DLG2: variants seen among roughly 807,000 people sequenced by gnomAD.
The protein encoded by DLG2 is discs large MAGUK scaffold protein 2.
Under a neutral mutation model 132.5 loss-of-function variants are expected in DLG2, and 45 were observed. The observed-to-expected ratio is 0.34, with a 90% CI of 0.27 to 0.44. The LOEUF is 0.44. Ranked by LOEUF, DLG2 falls within the 20% of genes least tolerant of loss-of-function variation. The pLI is 1.00. For synonymous variants in DLG2, 424 were observed against 419.6 expected, an observed-to-expected ratio of 1.01 and a Z score of -0.13; for missense variants, 1,045 against 1,196.9, an observed-to-expected ratio of 0.87 and a Z score of 1.87.
At position 85,013,199 on chromosome 11, in the gene DLG2, G is replaced by C. The variant is rs560469256; in HGVS notation, c.357+98462C>G. Among the ~76,000 whole-genome samples, 17 of 152,230 alleles carry C rather than the reference G, an allele frequency of 1.1e-4. No individual in the cohort carries two copies. The South Asian group carries it at 3.5e-3, about 32-fold the overall frequency. On this transcript the variant is annotated intron_variant, in intron 6 of 27. Coordinates refer to ENST00000376104, the MANE Select transcript of DLG2 (RefSeq NM_001142699.3). Reference sequence around the variant, plus strand: ...CCTTGAACCTTTTATAGCACTTGTAGTATAGTAGCCTTTGTGACTGCTTGC... The same window carrying C: ...CCTTGAACCTTTTATAGCACTTGTACTATAGTAGCCTTTGTGACTGCTTGC...
chr11:85,128,692 G>A (rs747131042), intron 5 of DLG2, among the ~76,000 whole-genome samples: 3 of 152,040 alleles, frequency 2.0e-5, no homozygotes, highest in Non-Finnish European at 4.4e-5. Flanking sequence ...TTATATTTTA[G>A]TTGTGAAACT....
chr11:84,058,331 C>T (rs2096536545), intron 11 of DLG2, among the ~76,000 whole-genome samples: 1 of 151,726 alleles, frequency 6.6e-6, no homozygotes, highest in East Asian at 1.9e-4. Flanking sequence ...TGTCATCATT[C>T]TGAAGAACAG....
chr11:84,046,082 C>T (rs571606494), intron 11 of DLG2, among the ~76,000 whole-genome samples: 161 of 151,648 alleles, frequency 1.1e-3, no homozygotes, highest in Non-Finnish European at 1.7e-3. Context: ...GACTTGGTCA[C>T]GGTTTCCTAG....
chr11:85,074,320 C>T (rs2066248409), intron 6 of DLG2, among the ~76,000 whole-genome samples: 1 of 151,864 alleles, frequency 6.6e-6, no homozygotes, highest in Non-Finnish European at 1.5e-5. Context: ...ACACTTTCAC[C>T]ACTTCTAAGC....
At chr11:83,460,999 GTTTTTTTTTTT>G (rs10591072) in intron 27 of DLG2, among the ~76,000 whole-genome samples, 1 of 107,068 alleles carries the variant, frequency 9.3e-6, no homozygotes, top group Non-Finnish European at 1.9e-5. Flanking sequence ...AAGTTCTTGG[GTTTTTTTTTTT>G]TTTTTTTTTT....
intron 4 of DLG2, among the ~76,000 whole-genome samples, chr11:85,218,512 G>T (rs559261525): frequency 3.3e-5 from 5 of 152,108 alleles, no homozygotes; most frequent in Non-Finnish European, 5.9e-5. Flanking sequence ...AAACCACAAT[G>T]AGATATGATC....
At chr11:84,828,562 T>C (rs1168720762) in intron 6 of DLG2, among the ~76,000 whole-genome samples, 2 of 151,808 alleles carry the variant, frequency 1.3e-5, no homozygotes, top group Admixed American at 6.6e-5. Context: ...CTTTACTCTC[T>C]TGTTACCACC....
chr11:83,716,785 T>C (rs968638729), intron 18 of DLG2, among the ~76,000 whole-genome samples: 1 of 152,238 alleles, frequency 6.6e-6, no homozygotes, highest in African/African-American at 2.4e-5. Context: ...TTCAATGCTT[T>C]AATGTATTTG....
chr11:83,591,779 G>A (rs942422647), intron 19 of DLG2, among the ~76,000 whole-genome samples: 10 of 152,186 alleles, frequency 6.6e-5, no homozygotes, highest in African/African-American at 2.4e-4. Context: ...AAGCTGGTAA[G>A]CAACTTCAGC....
chr11:85,535,371 A>AAAAT (rs1326971821), intron 3 of DLG2, among the ~76,000 whole-genome samples: 1 of 152,012 alleles, frequency 6.6e-6, no homozygotes, highest in Admixed American at 6.6e-5. Context: ...GGATGGGGTC[A>AAAAT]AAATAAATAA....
chr11:85,489,208 AAAAGT>A (rs1221101596), intron 3 of DLG2, among the ~76,000 whole-genome samples: 1 of 152,184 alleles, frequency 6.6e-6, no homozygotes, highest in Non-Finnish European at 1.5e-5. Flanking sequence ...CACATAGACT[AAAAGT>A]AAAGAGGTAG....
At chr11:84,358,877 T>G (rs976829579) in intron 7 of DLG2, among the ~76,000 whole-genome samples, 1 of 151,944 alleles carries the variant, frequency 6.6e-6, no homozygotes, top group Admixed American at 6.6e-5. Context: ...GAGGGACATA[T>G]GAATTAAGCA....
chr11:83,492,949 G>C (rs954691803), intron 21 of DLG2, among the ~76,000 whole-genome samples: 3 of 151,968 alleles, frequency 2.0e-5, no homozygotes, highest in African/African-American at 4.8e-5. Context: ...ATGTCATTCT[G>C]CTCGAGATCC....
At chr11:85,206,344 T>C (rs1227327907) in intron 4 of DLG2, among the ~76,000 whole-genome samples, 1 of 152,146 alleles carries the variant, frequency 6.6e-6, no homozygotes, top group South Asian at 2.1e-4. Context: ...AACAGACTAA[T>C]ACATAGTAGA....
chr11:85,426,741 C>G (rs993862885), intron 3 of DLG2, among the ~76,000 whole-genome samples: 1 of 152,180 alleles, frequency 6.6e-6, no homozygotes, highest in Non-Finnish European at 1.5e-5. Context: ...CAAAGGAATA[C>G]AGCTCCACAC....
At chr11:84,129,211 A>C (rs970273328) in intron 9 of DLG2, among the ~76,000 whole-genome samples, 9 of 152,146 alleles carry the variant, frequency 5.9e-5, no homozygotes, top group Admixed American at 5.9e-4. Flanking sequence ...CTAAGAAGTC[A>C]TCTACTGAAC....
chr11:83,989,792 C>T (rs1404741113), intron 11 of DLG2, among the ~76,000 whole-genome samples: 1 of 152,106 alleles, frequency 6.6e-6, no homozygotes, highest in African/African-American at 2.4e-5. Flanking sequence ...GTAGTCCCTA[C>T]TGAAATGAAT....
At chr11:83,880,172 G>A (rs1054804307) in intron 15 of DLG2, among the ~76,000 whole-genome samples, 1 of 152,124 alleles carries the variant, frequency 6.6e-6, no homozygotes, top group East Asian at 1.9e-4. Flanking sequence ...ACACCTGTTG[G>A]CAATGGTGGG....
At chr11:84,787,189 G>T (rs534391625) in intron 6 of DLG2, among the ~76,000 whole-genome samples, 3 of 152,096 alleles carry the variant, frequency 2.0e-5, no homozygotes, top group Non-Finnish European at 4.4e-5. Context: ...TTGACTCTTG[G>T]CAAGTGTCTC....
Sources: gnomAD v4.1 joint callset for allele counts (sites outside exome capture counted in the v4.1 genomes callset) on GRCh38, gnomAD v4.1.1 for gene constraint, MANE v1.5 for transcripts, NCBI Gene and HGNC (gene_info 2026-07-23, HGNC 2026-07-21) for gene names.